Variants in DLG2 observed in about 807,000 individuals in gnomAD.
DLG2 encodes disks large homolog 2.
In DLG2, 45 loss-of-function variants were observed where a neutral mutation model predicts 132.5. That is an observed-to-expected ratio of 0.34 (90% CI 0.27 to 0.44). The LOEUF is 0.44. Among genes scored for constraint, DLG2 ranks in the 20% least tolerant of loss-of-function variants. The pLI, the probability that DLG2 is intolerant of heterozygous loss-of-function variation, is 1.00. For missense variants in DLG2, 1,045 were observed against 1,196.9 expected (o/e 0.87, Z 1.87); for synonymous variants, 424 against 419.6 (o/e 1.01, Z -0.13).
At chr11:84,073,832 C>G (rs2096788902) in intron 10 of DLG2, among the ~76,000 whole-genome samples, 1 of 152,164 alleles carries the variant, frequency 6.6e-6, no homozygotes, top group South Asian at 2.1e-4. Flanking sequence ...TTTACCATGA[C>G]TATAACAGGT....
At chr11:85,397,082 A>C (rs1411002032) in intron 3 of DLG2, among the ~76,000 whole-genome samples, 1 of 152,226 alleles carries the variant, frequency 6.6e-6, no homozygotes, top group Non-Finnish European at 1.5e-5. Flanking sequence ...CAGATCTCTC[A>C]GCAGGAACCC....
chr11:85,141,545 A>G (rs67371412), intron 5 of DLG2, among the ~76,000 whole-genome samples: 36,300 of 151,494 alleles, frequency 0.24, 5,363 homozygotes, highest in East Asian at 0.41. Flanking sequence ...GCTATGGAGA[A>G]CTTTTTAGCT....
rs146359573 is a variant in DLG2 at position 84,821,969 on chromosome 11, TA to T, written c.358-287239del. Among the ~76,000 whole-genome samples, 37 of 151,880 alleles carry T rather than the reference TA, an allele frequency of 2.4e-4. No individual in the cohort carries two copies. In the South Asian group the frequency reaches 7.5e-3, roughly 31 times the overall value. Reference sequence around the variant, plus strand: ...TTGATGAAAAATTCAAAATATCCTATAAAAAATTCACTGCCAAATGCTATTG... The same window carrying T: ...TTGATGAAAAATTCAAAATATCCTATAAAAATTCACTGCCAAATGCTATTG... On this transcript the variant is annotated intron_variant, in intron 6 of 27. Transcript: ENST00000376104.
chr11:85,328,655 CA>C (rs1208237824), intron 3 of DLG2, among the ~76,000 whole-genome samples: 1 of 148,102 alleles, frequency 6.8e-6, no homozygotes, highest in Non-Finnish European at 1.5e-5. Flanking sequence ...ATGACAAACC[CA>C]CAGCCAATAT....
At chr11:85,428,607 C>A (rs2090946009) in intron 3 of DLG2, among the ~76,000 whole-genome samples, 1 of 152,184 alleles carries the variant, frequency 6.6e-6, no homozygotes, top group South Asian at 2.1e-4. Flanking sequence ...ATACCAGAAT[C>A]TGTGGGACAC....
intron 3 of DLG2, among the ~76,000 whole-genome samples, chr11:85,480,406 A>G (rs2093259439): frequency 6.6e-6 from 1 of 152,214 alleles, no homozygotes; most frequent in African/African-American, 2.4e-5. Context: ...ATATACCATG[A>G]AGCAAGAAAA....
intron 18 of DLG2, among the ~76,000 whole-genome samples, chr11:83,705,124 C>T (rs1344485309): frequency 6.6e-6 from 1 of 152,110 alleles, no homozygotes; most frequent in Non-Finnish European, 1.5e-5. Flanking sequence ...CTAACTTGTA[C>T]TTGCCCTTTG....
chr11:84,798,387 A>T (rs567801151), intron 6 of DLG2, among the ~76,000 whole-genome samples: 1 of 152,244 alleles, frequency 6.6e-6, no homozygotes, highest in East Asian at 1.9e-4. Flanking sequence ...CTCAAACAAC[A>T]CAAAGTCCTT....
At chr11:84,107,533 T>C (rs1000493795) in intron 9 of DLG2, among the ~76,000 whole-genome samples, 19 of 152,112 alleles carry the variant, frequency 1.2e-4, no homozygotes, top group African/African-American at 4.6e-4. Flanking sequence ...CGCATATGCA[T>C]GTATACACAT....
chr11:85,182,841 A>G (rs2079811542), intron 4 of DLG2, among the ~76,000 whole-genome samples: 1 of 150,180 alleles, frequency 6.7e-6, no homozygotes, highest in Admixed American at 6.7e-5. Flanking sequence ...CAAGTGCAAC[A>G]AGTTACCATG....
At chr11:85,166,523 CTCTT>C (rs1347614118) in intron 4 of DLG2, among the ~76,000 whole-genome samples, 1 of 152,076 alleles carries the variant, frequency 6.6e-6, no homozygotes, top group African/African-American at 2.4e-5. Flanking sequence ...TGTGCTGATC[CTCTT>C]TCTTTATCCA....
intron 3 of DLG2, among the ~76,000 whole-genome samples, chr11:85,505,017 T>G (rs576516239): frequency 2.6e-5 from 4 of 152,336 alleles, no homozygotes; most frequent in African/African-American, 9.6e-5. Flanking sequence ...TCTGTTTGTC[T>G]GTTATTGGTG....
intron 10 of DLG2, among the ~76,000 whole-genome samples, chr11:84,075,890 G>T (rs995249466): frequency 6.6e-6 from 1 of 152,076 alleles, no homozygotes; most frequent in Non-Finnish European, 1.5e-5. Context: ...AACCAGAGCC[G>T]GAACTCCCTG....
At chr11:84,276,955 A>T (rs895160811) in intron 7 of DLG2, among the ~76,000 whole-genome samples, 1 of 152,194 alleles carries the variant, frequency 6.6e-6, no homozygotes, top group Non-Finnish European at 1.5e-5. Flanking sequence ...ACACAGAGAG[A>T]AAAGAAACAA....
intron 6 of DLG2, among the ~76,000 whole-genome samples, chr11:84,578,914 G>T (rs1049102666): frequency 6.6e-6 from 1 of 152,118 alleles, no homozygotes; most frequent in Non-Finnish European, 1.5e-5. Context: ...GGAGGTAATT[G>T]AATCATGGTG....
rs137876609 is a variant in DLG2, at chr11:84,792,969, C to T, written c.358-258238G>A. On this transcript the variant is annotated intron_variant, in intron 6 of 27. Transcript: ENST00000376104. Reference sequence around the variant, plus strand: ...TTCTTTTACTAATTTTGGGTTTGGTCTGCTCTTGCTATTCTAGTTCTTGAA... The same window carrying T: ...TTCTTTTACTAATTTTGGGTTTGGTTTGCTCTTGCTATTCTAGTTCTTGAA... 5.4e-3 allele frequency among the ~76,000 whole-genome samples: 821 copies of T among 152,024 alleles called. 10 individuals are homozygous for T. The highest frequency in any genetic ancestry group is 0.018 in the African/African-American group (755 of 41,488).
At chr11:83,653,992 T>C (rs2071489826) in intron 18 of DLG2, among the ~76,000 whole-genome samples, 1 of 152,170 alleles carries the variant, frequency 6.6e-6, no homozygotes, top group South Asian at 2.1e-4. Context: ...AGTGCTGGGA[T>C]CACAGGCATG....
At chr11:83,817,124 G>A (rs2049227332) in intron 17 of DLG2, among the ~76,000 whole-genome samples, 1 of 152,116 alleles carries the variant, frequency 6.6e-6, no homozygotes, top group African/African-American at 2.4e-5. Flanking sequence ...CATTGTCCTG[G>A]CTTACAATAG....
rs545967862 is a variant in DLG2, at chr11:83,538,241, A to C, written c.2117+3441T>G. Reference sequence around the variant, plus strand: ...CTTGTAAAAAGGAAGTAATACAGGTACCCTACTTCAGGTGCTCACTGCCAA... The same window carrying C: ...CTTGTAAAAAGGAAGTAATACAGGTCCCCTACTTCAGGTGCTCACTGCCAA... On this transcript the variant is annotated intron_variant, in intron 20 of 27. Coordinates refer to ENST00000376104, the MANE Select transcript of DLG2 (RefSeq NM_001142699.3). Among the ~76,000 whole-genome samples the C allele has an allele frequency of 1.2e-3, 178 of 152,312 alleles. 1 individual carries two copies. Among genetic ancestry groups the C allele is most frequent in the African/African-American group, 4.0e-3 (168 of 41,574 alleles).
Sources: allele counts gnomAD v4.1 joint callset (sites outside exome capture counted in the v4.1 genomes callset), GRCh38; gene constraint gnomAD v4.1.1; transcripts MANE v1.5; gene names NCBI Gene and HGNC (gene_info 2026-07-23, HGNC 2026-07-21).